EYS: variants seen among roughly 807,000 people sequenced by gnomAD.
EYS encodes EGF-like photoreceptor maintenance factor.
In EYS, 250 loss-of-function variants were observed where a neutral mutation model predicts 282.1. The observed-to-expected ratio is 0.89, with a 90% CI of 0.80 to 0.98. EYS has a LOEUF of 0.98. Among genes scored for constraint, EYS ranks in the 50% least tolerant of loss-of-function variants. The pLI is 0.00. For missense variants in EYS, 4,016 were observed against 3,709.0 expected (o/e 1.08, Z -2.15); for synonymous variants, 1,355 against 1,282.9 (o/e 1.06, Z -1.20).
At chr6:64,414,467 A>G (rs1341147878) in intron 28 of EYS, among the ~76,000 whole-genome samples, 2 of 152,172 alleles carry the variant, frequency 1.3e-5, no homozygotes. Context: ...CTTATATCAG[A>G]CAAATGAAAC....
At chr6:65,504,435 A>C (rs1766577104) in intron 2 of EYS, among the ~76,000 whole-genome samples, 1 of 151,604 alleles carries the variant, frequency 6.6e-6, no homozygotes, top group Non-Finnish European at 1.5e-5. Context: ...AGAATTTCCT[A>C]GTGTTGAATA....
chr6:63,964,555 T>G (rs193045735), intron 35 of EYS, among the ~76,000 whole-genome samples: 1 of 152,200 alleles, frequency 6.6e-6, no homozygotes, highest in Non-Finnish European at 1.5e-5. Context: ...CAAAACATGC[T>G]TTCTTACAGA....
At chr6:64,933,525 A>T (rs1768799749) in intron 15 of EYS, among the ~76,000 whole-genome samples, 1 of 152,158 alleles carries the variant, frequency 6.6e-6, no homozygotes, top group Admixed American at 6.6e-5. Flanking sequence ...ATGCTTTTAC[A>T]CTGTTGGTGG....
At chr6:65,187,584 A>G (rs1314353254) in intron 12 of EYS, among the ~76,000 whole-genome samples, 1 of 151,654 alleles carries the variant, frequency 6.6e-6, no homozygotes, top group Non-Finnish European at 1.5e-5. Context: ...TTCTGTTATT[A>G]TTTTGTGTTT....
chr6:65,420,944 GTGT>G (rs1010222947), intron 5 of EYS, among the ~76,000 whole-genome samples: 4 of 151,776 alleles, frequency 2.6e-5, no homozygotes, highest in Middle Eastern at 3.2e-3. Context: ...CTGTAAACAG[GTGT>G]GTGGTCATTC....
chr6:65,014,902 G>T (rs1480733533), intron 13 of EYS, among the ~76,000 whole-genome samples: 1 of 152,122 alleles, frequency 6.6e-6, no homozygotes, highest in Non-Finnish European at 1.5e-5. Context: ...TTTTATCTGG[G>T]TAGGCCCTAA....
chr6:64,277,199 A>C (rs9353683), intron 30 of EYS, among the ~76,000 whole-genome samples: 108,888 of 152,026 alleles, frequency 0.72, 39,186 homozygotes, highest in African/African-American at 0.79. Flanking sequence ...TTGTCCCCCA[A>C]ATAAAAATAA....
At chr6:64,501,388 T>A (rs1021977479) in intron 26 of EYS, among the ~76,000 whole-genome samples, 1 of 152,050 alleles carries the variant, frequency 6.6e-6, no homozygotes, top group South Asian at 2.1e-4. Context: ...CAAAAAACGT[T>A]ATGGCTTCTT....
At chr6:64,628,095 C>A (rs1355439270) in intron 22 of EYS, among the ~76,000 whole-genome samples, 1 of 151,990 alleles carries the variant, frequency 6.6e-6, no homozygotes, top group Non-Finnish European at 1.5e-5. Context: ...CAAAAACAAA[C>A]AAACAAACAA....
chr6:63,736,404 T>C (rs1768913993), intron 41 of EYS, among the ~76,000 whole-genome samples: 2 of 152,000 alleles, frequency 1.3e-5, no homozygotes, highest in African/African-American at 2.4e-5. Context: ...TGTAGATATG[T>C]GGCATTATTT....
At chr6:64,856,821 ATT>A (rs1766078972) in intron 19 of EYS, among the ~76,000 whole-genome samples, 4 of 151,968 alleles carry the variant, frequency 2.6e-5, no homozygotes, top group African/African-American at 9.7e-5. Flanking sequence ...TAGTTGCTAT[ATT>A]TAAAAACTTC....
Position 63,824,828 on chromosome 6 carries a change from C to T in EYS, c.7229-18456G>A, listed in dbSNP as rs183907546. Among the ~76,000 whole-genome samples, 263 of 152,180 alleles carry T rather than the reference C, an allele frequency of 1.7e-3. 1 individual carries two copies. The highest frequency in any genetic ancestry group is 3.4e-3 in the Middle Eastern group (1 of 294). ...TCCATCAGGAGGGTGGCCAGAGGAA[C>T]GGGGGCAAAACTCCAAAGGGAGAAG... On this transcript the variant is annotated intron_variant, in intron 36 of 42. Transcript: ENST00000503581.
intron 11 of EYS, among the ~76,000 whole-genome samples, chr6:65,299,710 C>T (rs1273272005): frequency 6.6e-6 from 1 of 151,172 alleles, no homozygotes; most frequent in African/African-American, 2.4e-5. Flanking sequence ...ACTCATCCTG[C>T]CACCTATATA....
At chr6:65,292,802 A>T (rs1448016346) in intron 12 of EYS, among the ~76,000 whole-genome samples, 1 of 151,770 alleles carries the variant, frequency 6.6e-6, no homozygotes, top group African/African-American at 2.4e-5. Flanking sequence ...TGGAAAAGAA[A>T]TTAATCCTGG....
intron 5 of EYS, among the ~76,000 whole-genome samples, chr6:65,420,622 C>A (rs1767418244): frequency 6.6e-6 from 1 of 151,584 alleles, no homozygotes; most frequent in Non-Finnish European, 1.5e-5. Context: ...ATGGTGAATT[C>A]TTTCCAGAAA....
At chr6:65,203,915 A>T (rs955038067) in intron 12 of EYS, among the ~76,000 whole-genome samples, 6 of 152,108 alleles carry the variant, frequency 3.9e-5, no homozygotes, top group Non-Finnish European at 8.8e-5. Flanking sequence ...AAGAAAATTT[A>T]AAACACAGCT....
chr6:64,516,424 T>C (rs574438400), intron 26 of EYS, among the ~76,000 whole-genome samples: 1 of 151,884 alleles, frequency 6.6e-6, no homozygotes, highest in African/African-American at 2.4e-5. Flanking sequence ...GTAACAAATC[T>C]GCACCTGTAC....
chr6:65,062,734 G>A (rs889077468), intron 12 of EYS, among the ~76,000 whole-genome samples: 1 of 151,890 alleles, frequency 6.6e-6, no homozygotes, highest in African/African-American at 2.4e-5. Flanking sequence ...TCACTGGAAA[G>A]TCTTCTCTGG....
rs1387454524 is a variant in EYS at position 64,661,235 on chromosome 6, T to A, written c.3444-34990A>T. Among the ~76,000 whole-genome samples the A allele has an allele frequency of 7.2e-5, 11 of 152,280 alleles. No homozygotes were observed. The East Asian group carries it at 2.1e-3, about 29-fold the overall frequency. ...TCCTTACACCTTATAGGAAAATTAA[T>A]TCAAGATGGATTAGAGACTTACATG... On this transcript the variant is annotated intron_variant, in intron 22 of 42. Coordinates refer to ENST00000503581, the MANE Select transcript of EYS (RefSeq NM_001142800.2).
Sources: gnomAD v4.1 joint callset for allele counts (sites outside exome capture counted in the v4.1 genomes callset) on GRCh38, gnomAD v4.1.1 for gene constraint, MANE v1.5 for transcripts, NCBI Gene and HGNC (gene_info 2026-07-23, HGNC 2026-07-21) for gene names.